Variants in C11orf65 observed in about 807,000 individuals in gnomAD.
C11orf65 encodes chromosome 11 open reading frame 65.
In C11orf65, 38 loss-of-function variants were observed where a neutral mutation model predicts 35.3. The ratio of observed to expected loss-of-function variants is 1.08; its 90% CI spans 0.83 to 1.41. The LOEUF is 1.41. Among genes scored for constraint, C11orf65 ranks in the 40% most tolerant of loss-of-function variants. The pLI is 0.00. For missense variants in C11orf65, 370 were observed against 367.1 expected (o/e 1.01, Z -0.06); for synonymous variants, 105 against 114.4 (o/e 0.92, Z 0.53).
intron 2 of C11orf65, among the ~76,000 whole-genome samples, chr11:108,372,053 A>G (rs901720157): frequency 6.6e-6 from 1 of 152,208 alleles, no homozygotes; most frequent in Non-Finnish European, 1.5e-5. Flanking sequence ...GATTCTGTGT[A>G]TTGTTGTTAA....
At chr11:108,423,801 A>G (rs1247237357) in intron 3 of C11orf65, among the ~76,000 whole-genome samples, 1 of 152,224 alleles carries the variant, frequency 6.6e-6, no homozygotes, top group East Asian at 1.9e-4. Context: ...AGACTCCAGC[A>G]GACCTGCAGC....
At chr11:108,354,654 A>G (rs1386039490) in intron 2 of C11orf65, among the ~76,000 whole-genome samples, 1 of 152,260 alleles carries the variant, frequency 6.6e-6, no homozygotes, top group East Asian at 1.9e-4. Context: ...ACGTCTAATG[A>G]AAGCCCACTC....
At chr11:108,408,027 ATT>A (rs2092580321) in intron 3 of C11orf65, among the ~76,000 whole-genome samples, 1 of 138,312 alleles carries the variant, frequency 7.2e-6, no homozygotes, top group South Asian at 2.2e-4. Flanking sequence ...TATTATTATT[ATT>A]TTATTATTAC....
At chr11:108,452,220 C>T (rs917033923) in intron 2 of C11orf65, among the ~76,000 whole-genome samples, 3 of 152,030 alleles carry the variant, frequency 2.0e-5, no homozygotes, top group Admixed American at 6.6e-5. Flanking sequence ...GAACAGGCAA[C>T]CTACAGAATG....
intron 2 of C11orf65, among the ~76,000 whole-genome samples, chr11:108,434,564 A>G (rs1356470850): frequency 6.6e-6 from 1 of 151,612 alleles, no homozygotes; most frequent in Admixed American, 6.6e-5. Flanking sequence ...ATTTCTACCC[A>G]CTAGATCTGG....
chr11:108,409,436 C>T (rs1485531994), intron 3 of C11orf65, among the ~76,000 whole-genome samples: 2 of 152,066 alleles, frequency 1.3e-5, no homozygotes, highest in Non-Finnish European at 2.9e-5. Flanking sequence ...TAAAGTGGTT[C>T]AACTTACAAT....
chr11:108,365,277 G>T (rs750672018), intron 2 of C11orf65: 2 of 1,613,982 alleles, frequency 1.2e-6, no homozygotes, highest in Non-Finnish European at 8.5e-7. Flanking sequence ...TATTCCCAAG[G>T]CCTTTAAACT....
chr11:108,345,299 G>GT (rs1591261044), intron 2 of C11orf65, among the ~76,000 whole-genome samples: 1 of 152,204 alleles, frequency 6.6e-6, no homozygotes, highest in Non-Finnish European at 1.5e-5. Flanking sequence ...GCTTCAGGTA[G>GT]TATTTTATGG....
At chr11:108,380,058 A>C (rs2091836833), downstream of C11orf65, among the ~76,000 whole-genome samples, 1 of 152,202 alleles carries the variant, frequency 6.6e-6, no homozygotes, top group South Asian at 2.1e-4. Context: ...CACCTAATTC[A>C]GTTGCCCAAA....
intron 3 of C11orf65, among the ~76,000 whole-genome samples, chr11:108,431,545 G>A (rs920436240): frequency 6.6e-6 from 1 of 152,182 alleles, no homozygotes; most frequent in South Asian, 2.1e-4. Context: ...TGAAAACATT[G>A]ATCTGGGTGA....
intron 2 of C11orf65, among the ~76,000 whole-genome samples, chr11:108,374,204 CT>C (rs1565620049): frequency 4.6e-5 from 7 of 152,194 alleles, no homozygotes; most frequent in Non-Finnish European, 7.3e-5. Flanking sequence ...TCCCTGACCC[CT>C]GACCCCTGAG....
chr11:108,332,937 CTG>C, intron 3 of C11orf65: 3 of 1,594,294 alleles, frequency 1.9e-6, no homozygotes, highest in African/African-American at 2.7e-5. Flanking sequence ...TACTTTCTTG[CTG>C]TGTTACTCTC....
At chr11:108,322,342 C>T (rs1447430610) in intron 6 of C11orf65, among the ~76,000 whole-genome samples, 8 of 152,050 alleles carry the variant, frequency 5.3e-5, no homozygotes, top group Non-Finnish European at 7.4e-5. Flanking sequence ...TTAATAGAGA[C>T]GGGGTTTCGC....
intron 3 of C11orf65, among the ~76,000 whole-genome samples, chr11:108,430,897 AACACACACACAC>A (rs10588668): frequency 0.055 from 7,911 of 143,644 alleles, 334 homozygotes; most frequent in African/African-American, 0.11. Flanking sequence ...AAGGATAGGG[AACACACACACAC>A]ACACACACAC....
chr11:108,400,534 G>A (rs1209838825), intron 6 of C11orf65, among the ~76,000 whole-genome samples: 1 of 152,182 alleles, frequency 6.6e-6, no homozygotes, highest in African/African-American at 2.4e-5. Context: ...TTCTTTCTGT[G>A]AAAATACAGA....
chr11:108,387,678 T>C (rs190130), intron 7 of C11orf65, among the ~76,000 whole-genome samples: 152,232 of 152,254 alleles, frequency 1, 76,105 homozygotes, highest in Middle Eastern at 1. Context: ...CAGATGCATG[T>C]CACCACACCT....
chr11:108,315,676 T>G, intron 6 of C11orf65: 1 of 685,344 alleles, frequency 1.5e-6, no homozygotes, highest in South Asian at 1.7e-5. Flanking sequence ...ATTTCAGAAC[T>G]GTATTTCAGA....
chr11:108,349,787 C>T (rs2088960347), intron 2 of C11orf65, among the ~76,000 whole-genome samples: 2 of 152,060 alleles, frequency 1.3e-5, no homozygotes, highest in African/African-American at 4.8e-5. Flanking sequence ...GAGGTTTAAA[C>T]CTGTTAGATA....
At chr11:108,352,448 C>T (rs1012078695) in intron 2 of C11orf65, among the ~76,000 whole-genome samples, 1 of 151,930 alleles carries the variant, frequency 6.6e-6, no homozygotes, top group Non-Finnish European at 1.5e-5. Flanking sequence ...AAGACAGAGC[C>T]GTAGAAATTA....
Sources: allele counts gnomAD v4.1 joint callset (sites outside exome capture counted in the v4.1 genomes callset), GRCh38; gene constraint gnomAD v4.1.1; transcripts MANE v1.5; gene names NCBI Gene and HGNC (gene_info 2026-07-23, HGNC 2026-07-21).